The following HES7 variants were observed in gnomAD, a reference collection of about 807,000 sequenced individuals.
The protein encoded by HES7 is hes family bHLH transcription factor 7, also known as transcription factor HES-7.
HES7 carries 8 observed loss-of-function variants against 18.0 expected under a neutral mutation model. That is an observed-to-expected ratio of 0.45 (90% CI 0.26 to 0.80). The LOEUF (loss-of-function observed/expected upper bound fraction) is 0.80. HES7 is among the 30% of genes least tolerant of loss of function. The pLI is 0.18. For missense variants in HES7, 356 were observed against 340.9 expected (o/e 1.04, Z -0.35); for synonymous variants, 170 against 158.6 (o/e 1.07, Z -0.54).
chr17:8,121,983 G>C lies in HES7; in HGVS notation c.281C>G (p.Ala94Gly). 6.5e-7 allele frequency: 1 copy of C among 1,539,014 alleles called. No homozygotes were observed. Among genetic ancestry groups the C allele is most frequent in the Non-Finnish European group, 8.7e-7 (1 of 1,152,252 alleles). ...RSPVQDAEAL[A>G]SCYLSGFREC... ...GCGGAAACCGGACAAGTAGCAGCTG[G>C]CGAGCGCCTCGGCGTCCTGGACTGG... The change falls in exon 4 of 4, where the codon GCC becomes GGC. Residue 94 changes from alanine to glycine, a missense_variant. Coordinates refer to ENST00000541682, the MANE Select transcript of HES7 (RefSeq NM_001165967.2).
rs1981309088 is a variant in HES7 at position 8,121,419 on chromosome 17, C to G, written c.*152G>C. The G allele has an allele frequency of 6.4e-6, 3 of 472,438 alleles. No individual in the cohort carries two copies. The highest frequency in any genetic ancestry group is 2.0e-5 in the African/African-American group (1 of 49,586). 29.3% of individuals were successfully genotyped at this position (472,438 alleles called of 1,614,324 possible). ...GGAAATATATATTTATATAGATACT[C>G]TAATATAGACCACATCTCACCCGCG... On this transcript the variant is annotated 3_prime_UTR_variant, in exon 4 of 4. Transcript: ENST00000541682.
Position 8,124,074 on chromosome 17 carries a change from CG to C in HES7, c.10del (p.Arg4GlyfsTer32). The C allele has an allele frequency of 6.2e-7, 1 of 1,614,106 alleles. No homozygotes were observed. Among genetic ancestry groups the C allele is most frequent in the Non-Finnish European group, 8.5e-7 (1 of 1,180,028 alleles). On this transcript the variant is annotated frameshift_variant, in exon 1 of 4. Coordinates refer to ENST00000541682, the MANE Select transcript of HES7 (RefSeq NM_001165967.2). LOFTEE classifies it high-confidence loss of function. ...GCCGTCCCTATTCTCAGCTCGATCCCGGGTGACCATTGCTCCTCCGGACCCT... is the reference window on the plus strand; with the variant it reads ...GCCGTCCCTATTCTCAGCTCGATCCCGGTGACCATTGCTCCTCCGGACCCT... MVT[R>X]DRAENRDGPK... is the part of the protein sequence containing the mutation.
Position 8,123,028 on chromosome 17 carries a change from G to T in HES7, c.138+3C>A. The T allele has an allele frequency of 1.3e-6, 2 of 1,593,232 alleles. No individual in the cohort carries two copies. The highest frequency in any genetic ancestry group is 1.1e-5 in the South Asian group (1 of 88,230). ...GGGACCTAGGGCTAGCGGAGGGACT[G>T]ACCTGGTCCCGGGTCCGCTCCAGCA... On this transcript the variant is annotated splice_donor_region_variant and intron_variant, in intron 2 of 3. Coordinates refer to ENST00000541682, the MANE Select transcript of HES7 (RefSeq NM_001165967.2). This position sits in a 1 kb window ranked among gnomAD's most constrained non-coding sequence, Gnocchi z 5.9.
At position 8,122,466 on chromosome 17, in the gene HES7, G is replaced by C. The variant is rs890775703; in HGVS notation, c.139-36C>G. The stretch of plus-strand genomic sequence containing the variant: ...GAGGGGAGGGCGCAGAGACAGAAAG[G>C]GGTGGGGAGAAAGGGGGAAAGTGGC... On this transcript the variant is annotated intron_variant, in intron 2 of 3. Transcript: ENST00000541682. The surrounding 1 kb of genome is among the most constrained non-coding windows in gnomAD (Gnocchi z 6.9). 1.4e-6 allele frequency: 2 copies of C among 1,429,072 alleles called. No individual in the cohort carries two copies. Among genetic ancestry groups the C allele is most frequent in the Admixed American group, 2.0e-5 (1 of 51,066 alleles). 88.5% of individuals were successfully genotyped at this position (1,429,072 alleles called of 1,614,324 possible).
Position 8,120,949 on chromosome 17 carries a change from C to CATTGGACTTCTAGTGACGAAT in HES7, c.*601_*621dup, listed in dbSNP as rs1981271188. 6.5e-6 allele frequency: 1 copy of CATTGGACTTCTAGTGACGAAT among 152,726 alleles called. No homozygotes were observed. The highest frequency in any genetic ancestry group is 2.4e-5 in the African/African-American group (1 of 41,470). 9.5% of individuals were successfully genotyped at this position (152,726 alleles called of 1,614,324 possible). On this transcript the variant is annotated 3_prime_UTR_variant, in exon 4 of 4. Coordinates refer to ENST00000541682, the MANE Select transcript of HES7 (RefSeq NM_001165967.2). The stretch of plus-strand genomic sequence containing the variant: ...TGGCTCTGTGGCGCAATGGATAGCG[C>CATTGGACTTCTAGTGACGAAT]ATTGGACTTCTAGTGACGAATAGAG...
chr17:8,122,161 AAG>A lies in HES7; in HGVS notation c.227-126_227-125del, dbSNP rs971203896. 4.0e-6 allele frequency: 4 copies of A among 991,522 alleles called. No homozygotes were observed. The Admixed American group carries it at 8.0e-5, about 20-fold the overall frequency. The allele number at this position is 991,522 out of a possible 1,614,324, so 61.4% of individuals were successfully genotyped here. A position where few individuals can be genotyped will look rare whatever the true frequency, so the allele number is the denominator to read the frequency against. ...AGAGACAGGAAGCCAGATGGACGGA[AAG>A]AGGGAGAAAATGAGGGAGACACAGA... On this transcript the variant is annotated intron_variant, in intron 3 of 3. Transcript: ENST00000541682. The surrounding 1 kb of genome is among the most constrained non-coding windows in gnomAD (Gnocchi z 6.9).
At chr17:8,125,672 A>C (rs1981567841), upstream of HES7, among the ~76,000 whole-genome samples, 1 of 152,154 alleles carries the variant, frequency 6.6e-6, no homozygotes. Flanking sequence ...TCCCTGGCCT[A>C]CACCGTTGCC....
chr17:8,122,479 G>A lies in HES7; in HGVS notation c.139-49C>T, dbSNP rs1391237682. 1 of 1,304,230 alleles carries A rather than the reference G, an allele frequency of 7.7e-7. No individual in the cohort carries two copies. Among genetic ancestry groups the A allele is most frequent in the Non-Finnish European group, 1.1e-6 (1 of 922,868 alleles). 80.8% of individuals were successfully genotyped at this position (1,304,230 alleles called of 1,614,324 possible). On this transcript the variant is annotated intron_variant, in intron 2 of 3. Coordinates refer to ENST00000541682, the MANE Select transcript of HES7 (RefSeq NM_001165967.2). This position sits in a 1 kb window ranked among gnomAD's most constrained non-coding sequence, Gnocchi z 6.9. ...AGAGACAGAAAGGGGTGGGGAGAAA[G>A]GGGGAAAGTGGCAGGGGGAAGAAGG...
Position 8,122,986 on chromosome 17 carries a change from C to A in HES7, c.138+45G>T, listed in dbSNP as rs371748968. The A allele has an allele frequency of 6.7e-7, 1 of 1,484,558 alleles. No homozygotes were observed. Among genetic ancestry groups the A allele is most frequent in the Non-Finnish European group, 9.2e-7 (1 of 1,083,358 alleles). 92.0% of individuals were successfully genotyped at this position (1,484,558 alleles called of 1,614,324 possible). A position where few individuals can be genotyped will look rare whatever the true frequency, so the allele number is the denominator to read the frequency against. On this transcript the variant is annotated intron_variant, in intron 2 of 3. Transcript: ENST00000541682. The surrounding 1 kb of genome is among the most constrained non-coding windows in gnomAD (Gnocchi z 6.9). The stretch of plus-strand genomic sequence containing the variant: ...CACCCCAGTGGGAAGCCCTGGGACG[C>A]GGAAACGGGAAGCTTGGGGACCTAG...
rs1005914515 is a variant in HES7, at chr17:8,120,669, C to G, written c.*902G>C. On this transcript the variant is annotated 3_prime_UTR_variant, in exon 4 of 4. Transcript: ENST00000541682. ...GCCTGAGCCGGAAACACCCCCCAAG[C>G]GGGCAGCCGGAGCTCTGCACTCGCT... 1.0e-4 allele frequency: 16 copies of G among 152,484 alleles called. No homozygotes were observed. The highest frequency in any genetic ancestry group is 3.9e-4 in the African/African-American group (16 of 41,430). The allele number at this position is 152,484 out of a possible 1,614,324, so 9.4% of individuals were successfully genotyped here.
upstream of HES7, among the ~76,000 whole-genome samples, chr17:8,126,368 T>G (rs898969848): frequency 2.6e-5 from 4 of 152,152 alleles, no homozygotes; most frequent in African/African-American, 7.2e-5. Flanking sequence ...CATCTCTGAT[T>G]CCGCGTCTCT....
chr17:8,122,441 G>C lies in HES7; in HGVS notation c.139-11C>G. Reference sequence around the variant, plus strand: ...CGGGTTCCGGAGGTTCTACAGACGGGAGGGGAGGGCGCAGAGACAGAAAGG... The same window carrying C: ...CGGGTTCCGGAGGTTCTACAGACGGCAGGGGAGGGCGCAGAGACAGAAAGG... On this transcript the variant is annotated splice_polypyrimidine_tract_variant and intron_variant, in intron 2 of 3. Coordinates refer to ENST00000541682, the MANE Select transcript of HES7 (RefSeq NM_001165967.2). This position sits in a 1 kb window ranked among gnomAD's most constrained non-coding sequence, Gnocchi z 6.9. 6.4e-7 allele frequency: 1 copy of C among 1,561,732 alleles called. No individual in the cohort carries two copies. Among genetic ancestry groups the C allele is most frequent in the Non-Finnish European group, 8.7e-7 (1 of 1,149,944 alleles).
Position 8,121,445 on chromosome 17 carries a change from C to T in HES7, c.*126G>A, listed in dbSNP as rs897238266. ...TAATATAGACCACATCTCACCCGCG[C>T]GCTGAGCCCGCGCGCCCCACTGCCC... On this transcript the variant is annotated 3_prime_UTR_variant, in exon 4 of 4. Transcript: ENST00000541682. 1.4e-4 allele frequency: 96 copies of T among 662,116 alleles called. No homozygotes were observed. The highest frequency in any genetic ancestry group is 3.5e-5 in the Non-Finnish European group (16 of 460,880). 41.0% of individuals were successfully genotyped at this position (662,116 alleles called of 1,614,324 possible). A position where few individuals can be genotyped will look rare whatever the true frequency, so the allele number is the denominator to read the frequency against.
chr17:8,123,056 A>G lies in HES7; in HGVS notation c.113T>C (p.Leu38Pro). 6.2e-7 allele frequency: 1 copy of G among 1,603,710 alleles called. No homozygotes were observed. Among genetic ancestry groups the G allele is most frequent in the Non-Finnish European group, 8.5e-7 (1 of 1,175,522 alleles). ...CTGGTCCCGGGTCCGCTCCAGCAGC[A>G]GCAGCCTCAGCTCTTCCAGGCTGCG... ...INRSLEELRL[L>P]LLERTRDQNL... Residue 38 changes from leucine to proline, a missense_variant, in exon 2 of 4, where the codon CTG becomes CCG. Transcript: ENST00000541682. The surrounding 1 kb of genome is among the most constrained non-coding windows in gnomAD (Gnocchi z 5.9).
upstream of HES7, among the ~76,000 whole-genome samples, chr17:8,125,708 C>A (rs923194641): frequency 4.6e-5 from 7 of 152,204 alleles, no homozygotes; most frequent in Admixed American, 2.0e-4. Context: ...CAACCTCTTA[C>A]AATCTCAGAT....
upstream of HES7, among the ~76,000 whole-genome samples, chr17:8,125,035 AG>A (rs1981541891): frequency 6.6e-6 from 1 of 152,174 alleles, no homozygotes; most frequent in Non-Finnish European, 1.5e-5. Context: ...AGCAGGGAGC[AG>A]GCAGTTTACT....
chr17:8,124,152 G>A (rs956367645), upstream of HES7: 35 of 1,601,680 alleles, frequency 2.2e-5, no homozygotes, highest in Admixed American at 3.3e-5. Flanking sequence ...CGGCCCAAGG[G>A]TAGGAGGGAT....
chr17:8,125,735 C>G (rs191299746), upstream of HES7, among the ~76,000 whole-genome samples: 20 of 152,338 alleles, frequency 1.3e-4, no homozygotes, highest in Non-Finnish European at 2.6e-4. Context: ...CCCGCAGAAT[C>G]TTTAAGCCGC....
rs1475149482 is a variant in HES7 at position 8,121,522 on chromosome 17, T to C, written c.*49A>G. On this transcript the variant is annotated 3_prime_UTR_variant, in exon 4 of 4. Coordinates refer to ENST00000541682, the MANE Select transcript of HES7 (RefSeq NM_001165967.2). The stretch of plus-strand genomic sequence containing the variant: ...CCGGGTCCCTCTGCTGCCCTCGGGC[T>C]GGAGTCTCTACCCCACCCCTAGACC... 11 of 1,270,282 alleles carry C rather than the reference T, an allele frequency of 8.7e-6. No homozygotes were observed. The highest frequency in any genetic ancestry group is 1.1e-5 in the Non-Finnish European group (11 of 1,011,148). The allele number at this position is 1,270,282 out of a possible 1,614,324, so 78.7% of individuals were successfully genotyped here.
Sources: allele counts gnomAD v4.1 joint callset (sites outside exome capture counted in the v4.1 genomes callset), GRCh38; gene constraint gnomAD v4.1.1; non-coding constraint Gnocchi (gnomAD v3.1); transcripts MANE v1.5; gene names NCBI Gene and HGNC (gene_info 2026-07-23, HGNC 2026-07-21).